The following ST8SIA2 variants were observed in gnomAD, a reference collection of about 807,000 sequenced individuals.
The protein encoded by ST8SIA2 is alpha-2,8-sialyltransferase 8B.
Under a neutral mutation model 37.6 loss-of-function variants are expected in ST8SIA2, and 22 were observed. That is an observed-to-expected ratio of 0.58 (90% CI 0.42 to 0.83). ST8SIA2 has a LOEUF of 0.83. Ranked by LOEUF, ST8SIA2 falls within the 40% of genes least tolerant of loss-of-function variation. The pLI, the probability that ST8SIA2 is intolerant of heterozygous loss-of-function variation, is 0.00. For missense variants in ST8SIA2, 382 were observed against 484.7 expected, an observed-to-expected ratio of 0.79 and a Z score of 1.99; for synonymous variants, 205 against 201.2, an observed-to-expected ratio of 1.02 and a Z score of -0.16.
chr15:92,403,852 G>A (rs1356263889), intron 1 of ST8SIA2, among the ~76,000 whole-genome samples: 1 of 152,196 alleles, frequency 6.6e-6, no homozygotes, highest in Non-Finnish European at 1.5e-5. Flanking sequence ...AAAACATTTA[G>A]TTCCCAGGAG....
intron 2 of ST8SIA2, among the ~76,000 whole-genome samples, chr15:92,433,823 C>T (rs1387593587): frequency 6.6e-6 from 1 of 152,188 alleles, no homozygotes; most frequent in Non-Finnish European, 1.5e-5. Context: ...GCTACAATGA[C>T]ATTGTCCTGG....
intron 1 of ST8SIA2, among the ~76,000 whole-genome samples, chr15:92,425,147 G>C (rs1055125875): frequency 2.6e-5 from 4 of 152,120 alleles, no homozygotes; most frequent in Non-Finnish European, 5.9e-5. Context: ...AACCAGGCAG[G>C]TATCAGCAGT....
chr15:92,412,429 G>C (rs980221176), intron 1 of ST8SIA2, among the ~76,000 whole-genome samples: 27 of 151,942 alleles, frequency 1.8e-4, no homozygotes, highest in African/African-American at 6.3e-4. Flanking sequence ...TTAAAGGAGG[G>C]AAGATTGGGA....
At chr15:92,426,121 A>G (rs1376819633) in intron 1 of ST8SIA2, among the ~76,000 whole-genome samples, 2 of 152,278 alleles carry the variant, frequency 1.3e-5, no homozygotes, top group East Asian at 3.9e-4. Context: ...TGACTGTATG[A>G]GGAGGAGTTC....
intron 1 of ST8SIA2, among the ~76,000 whole-genome samples, chr15:92,411,879 T>G (rs2049551999): frequency 6.6e-6 from 1 of 152,160 alleles, no homozygotes; most frequent in Non-Finnish European, 1.5e-5. Context: ...AGAATTAAGC[T>G]TGGGTCTTTG....
chr15:92,446,593 AAAAT>A (rs1297830045), intron 5 of ST8SIA2, among the ~76,000 whole-genome samples: 1 of 152,252 alleles, frequency 6.6e-6, no homozygotes, highest in Non-Finnish European at 1.5e-5. Flanking sequence ...AGTAGTGAAT[AAAAT>A]AAAGATCTCA....
intron 5 of ST8SIA2, among the ~76,000 whole-genome samples, chr15:92,452,672 A>G (rs550114421): frequency 6.6e-6 from 1 of 152,376 alleles, no homozygotes; most frequent in East Asian, 1.9e-4. Flanking sequence ...GGCAGCAGAC[A>G]GGTAGACCAG....
chr15:92,435,785 C>T (rs1044786410), intron 3 of ST8SIA2, among the ~76,000 whole-genome samples: 1 of 152,150 alleles, frequency 6.6e-6, no homozygotes, highest in Non-Finnish European at 1.5e-5. Context: ...TCACGAAGCC[C>T]TAACAACCGC....
At chr15:92,396,640 C>A (rs186177689) in intron 1 of ST8SIA2, among the ~76,000 whole-genome samples, 2 of 149,548 alleles carry the variant, frequency 1.3e-5, no homozygotes, top group East Asian at 3.9e-4. Context: ...ATTACAGGCA[C>A]CTGCCACCAC....
chr15:92,419,653 C>A (rs538556801), intron 1 of ST8SIA2, among the ~76,000 whole-genome samples: 2 of 152,284 alleles, frequency 1.3e-5, no homozygotes, highest in African/African-American at 4.8e-5. Flanking sequence ...TAGTAGGGAG[C>A]TCCAAAATTG....
At chr15:92,435,710 C>T (rs2141832287) in intron 3 of ST8SIA2, among the ~76,000 whole-genome samples, 1 of 152,200 alleles carries the variant, frequency 6.6e-6, no homozygotes, top group Admixed American at 6.5e-5. Context: ...GTAGCTGACT[C>T]CCTGCCACCC....
In ST8SIA2 at chr15:92,394,049, C is replaced by A. The variant is rs747839924; in HGVS notation, c.-16C>A. ...TCGCGCCGGCCCGCGTGGGTCCCGG[C>A]GGGCGCGAACCCACCATGCAGCTGC... On this transcript the variant is annotated 5_prime_UTR_variant, in exon 1 of 6. Coordinates refer to ENST00000268164, the MANE Select transcript of ST8SIA2 (RefSeq NM_006011.4). The A allele has an allele frequency of 4.5e-6, 7 of 1,543,054 alleles. No homozygotes were observed. The highest frequency in any genetic ancestry group is 2.8e-5 in the African/African-American group (2 of 72,312).
Position 92,419,711 on chromosome 15 carries a change from A to G in ST8SIA2, c.99-10338A>G, listed in dbSNP as rs558742647. Among the ~76,000 whole-genome samples the G allele has an allele frequency of 2.0e-5, 3 of 152,340 alleles. No individual in the cohort carries two copies. The East Asian group carries it at 5.8e-4, about 29-fold the overall frequency. ...TCTATAGCCATGAGCACCATAGAGA[A>G]GTAGTCCTCTCTGCCCACAACTTTT... On this transcript the variant is annotated intron_variant, in intron 1 of 5. Coordinates refer to ENST00000268164, the MANE Select transcript of ST8SIA2 (RefSeq NM_006011.4).
rs182453793 is a variant in ST8SIA2 at position 92,424,428 on chromosome 15, G to A, written c.99-5621G>A. 4.4e-3 allele frequency among the ~76,000 whole-genome samples: 673 copies of A among 152,226 alleles called. 3 individuals are homozygous for A. The highest frequency in any genetic ancestry group is 0.014 in the African/African-American group (599 of 41,530). On this transcript the variant is annotated intron_variant, in intron 1 of 5. Coordinates refer to ENST00000268164, the MANE Select transcript of ST8SIA2 (RefSeq NM_006011.4). ...AAATAAACAATTGGGCTTGGATGAA[G>A]AGGCTAAGCAAAAATGCAGTTTTCA...
At chr15:92,396,090 A>G (rs1387452955) in intron 1 of ST8SIA2, among the ~76,000 whole-genome samples, 1 of 152,156 alleles carries the variant, frequency 6.6e-6, no homozygotes, top group Non-Finnish European at 1.5e-5. Flanking sequence ...GCTTCTTTTT[A>G]TCCTGTCTCT....
At chr15:92,411,277 T>C (rs1220389064) in intron 1 of ST8SIA2, among the ~76,000 whole-genome samples, 1 of 152,184 alleles carries the variant, frequency 6.6e-6, no homozygotes, top group Non-Finnish European at 1.5e-5. Context: ...TGAAGTGCTT[T>C]GACCAAAGGT....
At chr15:92,453,676 C>G (rs1355027282) in intron 5 of ST8SIA2, among the ~76,000 whole-genome samples, 1 of 152,154 alleles carries the variant, frequency 6.6e-6, no homozygotes, top group African/African-American at 2.4e-5. Flanking sequence ...AGGTGCCAGG[C>G]CAGAGAGGGG....
chr15:92,448,717 A>G (rs369483966), intron 5 of ST8SIA2, among the ~76,000 whole-genome samples: 4 of 152,192 alleles, frequency 2.6e-5, no homozygotes, highest in Admixed American at 6.5e-5. Flanking sequence ...GACTTGTCCT[A>G]TGGACTCAAG....
chr15:92,457,838 T>C (rs1196803028), intron 5 of ST8SIA2, among the ~76,000 whole-genome samples: 1 of 152,228 alleles, frequency 6.6e-6, no homozygotes, highest in Non-Finnish European at 1.5e-5. Context: ...TGGGTCCCTC[T>C]GTGCCACTGA....
Sources: gnomAD v4.1 joint callset for allele counts (sites outside exome capture counted in the v4.1 genomes callset) on GRCh38, gnomAD v4.1.1 for gene constraint, MANE v1.5 for transcripts, NCBI Gene and HGNC (gene_info 2026-07-23, HGNC 2026-07-21) for gene names.